Variants in SORCS1 observed in about 807,000 individuals in gnomAD.
SORCS1 encodes sortilin related VPS10 domain containing receptor 1.
A neutral mutation model predicts 146.1 loss-of-function variants in SORCS1; 60 were observed. The ratio of observed to expected loss-of-function variants is 0.41; its 90% CI spans 0.33 to 0.51. The LOEUF is 0.51. SORCS1 is among the 20% of genes least tolerant of loss of function. The pLI is 0.21. For synonymous variants in SORCS1, 637 were observed against 584.0 expected (o/e 1.09, Z -1.31); for missense variants, 1,352 against 1,487.6 (o/e 0.91, Z 1.50).
At chr10:107,167,035 A>G (rs1448513546), upstream of SORCS1, among the ~76,000 whole-genome samples, 1 of 152,196 alleles carries the variant, frequency 6.6e-6, no homozygotes, top group African/African-American at 2.4e-5. Flanking sequence ...AAATGAAAGC[A>G]TTTGCAGTCC....
In SORCS1 at chr10:106,656,716, A is replaced by G. The variant is rs1282350983; in HGVS notation, c.2304-4163T>C. ...AAGATACAGATGTTTTTGAGTATTC[A>G]GTGTATACTAAGGTGACAGTAGCTT... On this transcript the variant is annotated intron_variant, in intron 17 of 25. Coordinates refer to ENST00000263054, the MANE Select transcript of SORCS1 (RefSeq NM_052918.5). 2.6e-5 allele frequency among the ~76,000 whole-genome samples: 4 copies of G among 151,670 alleles called. No homozygotes were observed. The South Asian group carries it at 8.3e-4, about 32-fold the overall frequency.
chr10:107,146,498 C>T (rs180932202), intron 1 of SORCS1, among the ~76,000 whole-genome samples: 1 of 152,264 alleles, frequency 6.6e-6, no homozygotes, highest in Non-Finnish European at 1.5e-5. Context: ...ATGCCCCATG[C>T]TCTTAGCTTA....
intron 18 of SORCS1, 33 bp from the exon 19 acceptor site, chr10:106,629,421 T>G (rs755139200): frequency 6.2e-7 from 1 of 1,608,834 alleles, no homozygotes. Flanking sequence ...AGGAAATGAG[T>G]TAGTATTCGG....
At chr10:107,145,965 C>T (rs1970272) in intron 1 of SORCS1, among the ~76,000 whole-genome samples, 7,370 of 152,216 alleles carry the variant, frequency 0.048, 458 homozygotes, top group East Asian at 0.33. Context: ...ATCATTTTGT[C>T]ATGTACACAT....
chr10:106,883,969 T>C (rs1447083202), intron 2 of SORCS1, among the ~76,000 whole-genome samples: 1 of 152,174 alleles, frequency 6.6e-6, no homozygotes, highest in Non-Finnish European at 1.5e-5. Context: ...TCTGAGCCAA[T>C]AGATTGTTAT....
intron 4 of SORCS1, among the ~76,000 whole-genome samples, chr10:106,769,098 C>T (rs1439608131): frequency 6.6e-6 from 1 of 152,170 alleles, no homozygotes. Context: ...GCATCTATTT[C>T]TTTATTAAGT....
At chr10:106,817,712 G>A (rs1462435550) in intron 3 of SORCS1, among the ~76,000 whole-genome samples, 2 of 152,162 alleles carry the variant, frequency 1.3e-5, no homozygotes, top group African/African-American at 4.8e-5. Flanking sequence ...GTATAAACTC[G>A]ATGCTCATTT....
chr10:106,814,212 A>C (rs1347908623), intron 3 of SORCS1, among the ~76,000 whole-genome samples: 2 of 152,224 alleles, frequency 1.3e-5, no homozygotes, highest in African/African-American at 2.4e-5. Flanking sequence ...GACAAGCTGA[A>C]TTATTTTACA....
chr10:107,126,206 C>T (rs898181270), intron 1 of SORCS1, among the ~76,000 whole-genome samples: 9 of 152,026 alleles, frequency 5.9e-5, no homozygotes, highest in Non-Finnish European at 1.0e-4. Context: ...AGAAAACCAA[C>T]GATCACTTCA....
chr10:106,901,142 T>C (rs1951684215), intron 2 of SORCS1, among the ~76,000 whole-genome samples: 1 of 152,106 alleles, frequency 6.6e-6, no homozygotes, highest in Non-Finnish European at 1.5e-5. Flanking sequence ...AAACTAAACT[T>C]TTCCCTAAAA....
At chr10:106,699,768 G>C (rs1280451882) in intron 8 of SORCS1, among the ~76,000 whole-genome samples, 2 of 152,244 alleles carry the variant, frequency 1.3e-5, no homozygotes, top group African/African-American at 4.8e-5. Flanking sequence ...TAGATATGAG[G>C]AAAAGCTGGA....
At chr10:106,697,263 G>A (rs1445559601) in intron 9 of SORCS1, among the ~76,000 whole-genome samples, 1 of 152,094 alleles carries the variant, frequency 6.6e-6, no homozygotes, top group East Asian at 1.9e-4. Flanking sequence ...AGGAGTTCGA[G>A]ATCAGCCTGG....
Position 107,018,291 on chromosome 10 carries a change from C to G in SORCS1, c.559-61711G>C, listed in dbSNP as rs563674051. 3.9e-5 allele frequency among the ~76,000 whole-genome samples: 6 copies of G among 152,186 alleles called. 1 individual carries two copies. The highest frequency in any genetic ancestry group is 1.4e-4 in the African/African-American group (6 of 41,540). On this transcript the variant is annotated intron_variant, in intron 1 of 25. Transcript: ENST00000263054. ...CTGGGTTCATGTCATTCTCCTGCCT[C>G]AGCCTCCCGGGTAGCTGGGACTACA...
intron 1 of SORCS1, among the ~76,000 whole-genome samples, chr10:106,967,425 C>A (rs1026741154): frequency 4.6e-5 from 7 of 151,748 alleles, no homozygotes; most frequent in African/African-American, 1.7e-4. Context: ...ATAGCTGCAC[C>A]AATGTAATCC....
intron 24 of SORCS1, among the ~76,000 whole-genome samples, chr10:106,593,181 G>A (rs995626284): frequency 1.3e-5 from 2 of 150,472 alleles, no homozygotes; most frequent in African/African-American, 2.4e-5. Flanking sequence ...TCGGCCCACC[G>A]ATACCCTACC....
the SORCS1 span, among the ~76,000 whole-genome samples, chr10:107,172,147 C>A: frequency 6.6e-6 from 1 of 152,198 alleles, no homozygotes; most frequent in African/African-American, 2.4e-5. Context: ...CAGCCAAAAT[C>A]TTTTTCTCCA....
intron 15 of SORCS1, 58 bp downstream of exon 15, chr10:106,672,810 C>T (rs202008367): frequency 2.0e-5 from 29 of 1,440,644 alleles, no homozygotes; most frequent in African/African-American, 1.4e-5. Context: ...AACTAGCTTT[C>T]CCCCAACACC....
chr10:106,838,227 A>G lies in SORCS1; in HGVS notation c.627-8554T>C, dbSNP rs74940670. On this transcript the variant is annotated intron_variant, in intron 2 of 25. Transcript: ENST00000263054. Reference sequence around the variant, plus strand: ...AATCAGCCGTGTGGAAAGAAGGGACACTAGGGTGGTGACTCGGTTCTATGC... The same window carrying G: ...AATCAGCCGTGTGGAAAGAAGGGACGCTAGGGTGGTGACTCGGTTCTATGC... Among the ~76,000 whole-genome samples, 1,296 of 152,326 alleles carry G rather than the reference A, an allele frequency of 8.5e-3. 19 individuals are homozygous for G. The highest frequency in any genetic ancestry group is 0.029 in the African/African-American group (1,191 of 41,576).
intron 2 of SORCS1, among the ~76,000 whole-genome samples, chr10:106,950,136 C>T (rs1443450399): frequency 3.3e-5 from 5 of 152,196 alleles, no homozygotes; most frequent in Non-Finnish European, 5.9e-5. Context: ...TGCATCAAAT[C>T]ATCCCCCTTT....
Sources: gnomAD v4.1 joint callset for allele counts (sites outside exome capture counted in the v4.1 genomes callset) on GRCh38, gnomAD v4.1.1 for gene constraint, MANE v1.5 for transcripts, NCBI Gene and HGNC (gene_info 2026-07-23, HGNC 2026-07-21) for gene names.